PLCB1: variants seen among roughly 807,000 people sequenced by gnomAD.
PLCB1 encodes phospholipase C beta 1.
In PLCB1, 46 loss-of-function variants were observed where a neutral mutation model predicts 161.8. That is an observed-to-expected ratio of 0.28 (90% confidence interval 0.22 to 0.36). The LOEUF is 0.36. Among genes scored for constraint, PLCB1 ranks in the 10% least tolerant of loss-of-function variants. The pLI is 1.00. For synonymous variants in PLCB1, 517 were observed against 503.7 expected (o/e 1.03, Z -0.35); for missense variants, 1,016 against 1,472.5 (o/e 0.69, Z 5.07).
At chr20:8,880,882 T>TTTGA (rs1192288289) in intron 31 of PLCB1, 2 of 135,764 alleles carry the variant, frequency 1.5e-5, no homozygotes, top group African/African-American at 6.0e-5. Flanking sequence ...TTTTTTTGGT[T>TTTGA]TTGAGATGGA....
chr20:8,850,720 T>C (rs1986856555), intron 31 of PLCB1, among the ~76,000 whole-genome samples: 1 of 152,198 alleles, frequency 6.6e-6, no homozygotes, highest in African/African-American at 2.4e-5. Flanking sequence ...AGGTATCATC[T>C]TGGATGCAGG....
intron 11 of PLCB1, among the ~76,000 whole-genome samples, chr20:8,699,620 A>G (rs187273861): frequency 7.2e-5 from 11 of 152,344 alleles, no homozygotes; most frequent in Admixed American, 6.5e-4. Context: ...ATCACTGAAG[A>G]AAGCAGCTAA....
At chr20:8,136,082 G>A (rs966710174) in intron 1 of PLCB1, among the ~76,000 whole-genome samples, 6 of 152,084 alleles carry the variant, frequency 3.9e-5, no homozygotes, top group East Asian at 1.9e-4. Flanking sequence ...TCTCACTGTC[G>A]CACAACCTCT....
chr20:8,761,691 T>C (rs533911029), intron 25 of PLCB1, among the ~76,000 whole-genome samples: 2 of 150,392 alleles, frequency 1.3e-5, no homozygotes, highest in East Asian at 3.9e-4. Context: ...GCTAATTTTG[T>C]ATTTTTAGTA....
chr20:8,367,955 G>A (rs1161205546), intron 2 of PLCB1, among the ~76,000 whole-genome samples: 2 of 152,074 alleles, frequency 1.3e-5, no homozygotes, highest in Non-Finnish European at 2.9e-5. Flanking sequence ...GTTCATGGAC[G>A]GCATTTCCAC....
At chr20:8,330,124 T>C (rs6055739) in intron 2 of PLCB1, among the ~76,000 whole-genome samples, 13,747 of 152,162 alleles carry the variant, frequency 0.09, 1,202 homozygotes, top group African/African-American at 0.22. Context: ...CCATGGGGCC[T>C]TAAAATGAAT....
At chr20:8,523,613 T>C (rs1984467200) in intron 3 of PLCB1, among the ~76,000 whole-genome samples, 1 of 149,468 alleles carries the variant, frequency 6.7e-6, no homozygotes, top group Non-Finnish European at 1.5e-5. Flanking sequence ...ATTGAAAGTC[T>C]CAGGGAAGAC....
chr20:8,448,903 A>G (rs1202358364), intron 3 of PLCB1, among the ~76,000 whole-genome samples: 2 of 152,298 alleles, frequency 1.3e-5, no homozygotes, highest in East Asian at 3.9e-4. Context: ...TGCACAGGCT[A>G]TTGAATAGGA....
At chr20:8,614,682 AT>A (rs1043974207) in intron 3 of PLCB1, among the ~76,000 whole-genome samples, 2 of 151,576 alleles carry the variant, frequency 1.3e-5, no homozygotes, top group Non-Finnish European at 2.9e-5. Flanking sequence ...CACTGGCCTC[AT>A]GTTGCTACTT....
chr20:8,630,821 T>G (rs1258706789), intron 4 of PLCB1, among the ~76,000 whole-genome samples: 1 of 152,176 alleles, frequency 6.6e-6, no homozygotes, highest in East Asian at 1.9e-4. Flanking sequence ...CTGCATATCT[T>G]AAGTTGCATT....
intron 2 of PLCB1, among the ~76,000 whole-genome samples, chr20:8,246,117 T>C (rs1980864281): frequency 6.6e-6 from 1 of 151,912 alleles, no homozygotes. Context: ...TTGCCAATCA[T>C]AAAAAATACT....
At chr20:8,509,646 C>G (rs1258434399) in intron 3 of PLCB1, among the ~76,000 whole-genome samples, 1 of 151,348 alleles carries the variant, frequency 6.6e-6, no homozygotes, top group Non-Finnish European at 1.5e-5. Flanking sequence ...AAAGAGAGGT[C>G]AGTTAAAAAA....
intron 3 of PLCB1, among the ~76,000 whole-genome samples, chr20:8,439,691 C>A (rs909983997): frequency 3.9e-5 from 6 of 152,112 alleles, no homozygotes; most frequent in African/African-American, 7.2e-5. Context: ...AAATTTAAAT[C>A]TTCATTACTA....
chr20:8,647,861 TA>T, intron 5 of PLCB1, 38 bp from the exon 6 acceptor site: 4 of 1,572,082 alleles, frequency 2.5e-6, no homozygotes, highest in Non-Finnish European at 2.6e-6. Flanking sequence ...AAAGCTTTTT[TA>T]AAAAAATCAA....
chr20:8,436,231 G>A (rs1980296512), intron 3 of PLCB1, among the ~76,000 whole-genome samples: 1 of 151,658 alleles, frequency 6.6e-6, no homozygotes, highest in Non-Finnish European at 1.5e-5. Context: ...GAGAGGCTGA[G>A]GCACAAGAAT....
intron 3 of PLCB1, among the ~76,000 whole-genome samples, chr20:8,594,649 G>T (rs1341772799): frequency 6.6e-6 from 1 of 151,132 alleles, no homozygotes; most frequent in Non-Finnish European, 1.5e-5. Flanking sequence ...TTTGCACATT[G>T]ACTTGCAAAA....
At chr20:8,559,762 A>G (rs1986084276) in intron 3 of PLCB1, among the ~76,000 whole-genome samples, 1 of 152,014 alleles carries the variant, frequency 6.6e-6, no homozygotes, top group South Asian at 2.1e-4. Context: ...AGAATATAAA[A>G]CAATTGAAAA....
intron 23 of PLCB1, chr20:8,750,877 C>T: frequency 7.3e-7 from 1 of 1,363,528 alleles, no homozygotes; most frequent in South Asian, 1.1e-5. Flanking sequence ...TTACCTCTTA[C>T]CCATGTGGTG....
chr20:8,594,379 C>G (rs1469398397), intron 3 of PLCB1, among the ~76,000 whole-genome samples: 1 of 151,632 alleles, frequency 6.6e-6, no homozygotes, highest in Non-Finnish European at 1.5e-5. Flanking sequence ...CTCCACCACG[C>G]TACAATACAT....
Sources: allele counts gnomAD v4.1 joint callset (sites outside exome capture counted in the v4.1 genomes callset), GRCh38; gene constraint gnomAD v4.1.1; transcripts MANE v1.5; gene names NCBI Gene and HGNC (gene_info 2026-07-23, HGNC 2026-07-21).